The following LRBA variants were observed in gnomAD, a reference collection of about 807,000 sequenced individuals.
LRBA encodes LPS responsive beige-like anchor protein.
In LRBA, 176 loss-of-function variants were observed where a neutral mutation model predicts 330.0. The observed-to-expected ratio is 0.53, with a 90% CI of 0.47 to 0.60. The LOEUF is 0.60. LRBA is among the 20% of genes least tolerant of loss of function. LRBA has a pLI of 0.00. For synonymous variants in LRBA, 1,230 were observed against 1,193.0 expected, an observed-to-expected ratio of 1.03 and a Z score of -0.64; for missense variants, 3,259 against 3,444.8, an observed-to-expected ratio of 0.95 and a Z score of 1.35.
chr4:150,919,821 G>C (rs1265095460), intron 5 of LRBA, among the ~76,000 whole-genome samples: 1 of 152,144 alleles, frequency 6.6e-6, no homozygotes, highest in East Asian at 1.9e-4. Context: ...TTCTCTTCAA[G>C]TTTCAAAAGC....
At chr4:150,565,827 T>G (rs1769054720) in intron 40 of LRBA, among the ~76,000 whole-genome samples, 2 of 152,152 alleles carry the variant, frequency 1.3e-5, no homozygotes, top group Non-Finnish European at 2.9e-5. Flanking sequence ...AGACACCAAT[T>G]AAGAAAATTA....
rs1191459379 is a variant in LRBA, at chr4:150,828,381, T to C, written c.4970A>G (p.Asp1657Gly). Residue 1657 changes from aspartate (D) to glycine (G), a missense_variant, in exon 30 of 57, where the codon GAT (aspartate) becomes GGT (glycine). Coordinates refer to ENST00000651943, the MANE Select transcript of LRBA (RefSeq NM_001364905.1). ...EVNKSPETKN[D>G]RGNDLDTKAT... The stretch of plus-strand genomic sequence containing the variant: ...CTTAGTGTCCAAGTCATTTCCTCTA[T>C]CATTTTTGGTTTCCGGAGACTTATT... 4 of 1,613,978 alleles carry C rather than the reference T, an allele frequency of 2.5e-6. No homozygotes were observed. In the African/African-American group the frequency reaches 4.0e-5, roughly 16 times the overall value.
intron 37 of LRBA, among the ~76,000 whole-genome samples, chr4:150,600,745 A>G (rs1040220881): frequency 6.6e-6 from 1 of 152,194 alleles, no homozygotes; most frequent in Non-Finnish European, 1.5e-5. Flanking sequence ...ATAAATAAAT[A>G]CCCACAGAAT....
At chr4:150,578,862 C>CT (rs1770864471) in intron 40 of LRBA, among the ~76,000 whole-genome samples, 1 of 152,204 alleles carries the variant, frequency 6.6e-6, no homozygotes, top group Non-Finnish European at 1.5e-5. Context: ...GAATGTCCTG[C>CT]AGCTAGCCCA....
chr4:150,752,505 T>A (rs1207959151), intron 35 of LRBA, among the ~76,000 whole-genome samples: 1 of 152,038 alleles, frequency 6.6e-6, no homozygotes, highest in African/African-American at 2.4e-5. Flanking sequence ...TTTAATGGGC[T>A]TCATACACAT....
intron 56 of LRBA, among the ~76,000 whole-genome samples, chr4:150,275,565 T>C (rs1340291269): frequency 6.6e-6 from 1 of 152,214 alleles, no homozygotes; most frequent in African/African-American, 2.4e-5. Flanking sequence ...CTTAAGCTGA[T>C]AGGCAACTTC....
chr4:150,453,244 C>G, intron 44 of LRBA, among the ~76,000 whole-genome samples: 1 of 151,950 alleles, frequency 6.6e-6, no homozygotes. Flanking sequence ...AAAAATAAAG[C>G]TGGAGGATTC....
chr4:150,593,329 T>G (rs1377158638), intron 38 of LRBA, among the ~76,000 whole-genome samples: 1 of 152,186 alleles, frequency 6.6e-6, no homozygotes, highest in Non-Finnish European at 1.5e-5. Flanking sequence ...GGGAGTAGTG[T>G]TAAAAATACT....
intron 35 of LRBA, among the ~76,000 whole-genome samples, chr4:150,751,735 T>C (rs899018253): frequency 2.0e-5 from 3 of 152,150 alleles, no homozygotes; most frequent in Non-Finnish European, 2.9e-5. Context: ...GAAAAAATGC[T>C]TGTGTCAGCC....
intron 37 of LRBA, among the ~76,000 whole-genome samples, chr4:150,616,673 A>T (rs1426159331): frequency 6.6e-6 from 1 of 152,224 alleles, no homozygotes; most frequent in East Asian, 1.9e-4. Flanking sequence ...GCTTGAGTGA[A>T]GCAAGTTCAA....
intron 11 of LRBA, among the ~76,000 whole-genome samples, chr4:150,907,823 CA>C: frequency 6.6e-6 from 1 of 152,072 alleles, no homozygotes. Context: ...ACACAAGAGA[CA>C]AAAATGTGCT....
At chr4:150,487,529 A>G (rs1758024145) in intron 42 of LRBA, among the ~76,000 whole-genome samples, 1 of 151,606 alleles carries the variant, frequency 6.6e-6, no homozygotes, top group African/African-American at 2.4e-5. Context: ...TAATAACTTA[A>G]AACAGTACAT....
At chr4:150,430,341 C>A (rs1189716244) in intron 46 of LRBA, among the ~76,000 whole-genome samples, 1 of 152,128 alleles carries the variant, frequency 6.6e-6, no homozygotes, top group East Asian at 1.9e-4. Context: ...CATGTCACTT[C>A]TTTGCTTCAA....
chr4:150,723,016 C>T (rs1385209744), intron 36 of LRBA, among the ~76,000 whole-genome samples: 1 of 152,042 alleles, frequency 6.6e-6, no homozygotes, highest in Non-Finnish European at 1.5e-5. Context: ...CCAGCCCTAG[C>T]CAGAGGGGAA....
chr4:150,443,857 T>A (rs865999826), intron 44 of LRBA, among the ~76,000 whole-genome samples: 1,965 of 25,986 alleles, frequency 0.076, 31 homozygotes, highest in African/African-American at 0.11. Context: ...TAAAAAAATA[T>A]ATATATATAT....
In LRBA at chr4:150,590,848, C is replaced by T; in HGVS notation, c.6058G>A (p.Asp2020Asn). 1.9e-6 allele frequency: 3 copies of T among 1,613,726 alleles called. No individual in the cohort carries two copies. Among genetic ancestry groups the T allele is most frequent in the Non-Finnish European group, 2.5e-6 (3 of 1,179,868 alleles). The change falls in exon 39 of 57, where the codon GAT becomes AAT. Residue 2020 changes from aspartate to asparagine, a missense_variant. Asp to Asn is a conservative substitution (Grantham distance 23). Coordinates refer to ENST00000651943, the MANE Select transcript of LRBA (RefSeq NM_001364905.1). ...GACTGTTTTCCTTTAGCAAGGATATCTTCATCTGTGGCTGAAATGAAAAGG... is the reference window on the plus strand; with the variant it reads ...GACTGTTTTCCTTTAGCAAGGATATTTTCATCTGTGGCTGAAATGAAAAGG... ...KTAVEHATDE[D>N]ILAKGKQSIR...
chr4:150,568,875 C>T (rs1769490366), intron 40 of LRBA, among the ~76,000 whole-genome samples: 1 of 151,714 alleles, frequency 6.6e-6, no homozygotes, highest in South Asian at 2.1e-4. Flanking sequence ...AAAAATTAAC[C>T]CTGGTTGAAA....
At chr4:150,608,332 A>G (rs1461524078) in intron 37 of LRBA, among the ~76,000 whole-genome samples, 1 of 152,178 alleles carries the variant, frequency 6.6e-6, no homozygotes, top group Non-Finnish European at 1.5e-5. Context: ...GACCCAGAGA[A>G]GAGTCTATTG....
At chr4:150,368,982 A>G (rs901113128) in intron 47 of LRBA, among the ~76,000 whole-genome samples, 1 of 152,116 alleles carries the variant, frequency 6.6e-6, no homozygotes, top group African/African-American at 2.4e-5. Flanking sequence ...GAGACTGGAG[A>G]CTCAGAAGCT....
Sources: gnomAD v4.1 joint callset for allele counts (sites outside exome capture counted in the v4.1 genomes callset) on GRCh38, gnomAD v4.1.1 for gene constraint, MANE v1.5 for transcripts, NCBI Gene and HGNC (gene_info 2026-07-23, HGNC 2026-07-21) for gene names.